The following PPP1R2 variants were observed in gnomAD, a reference collection of about 807,000 sequenced individuals.
PPP1R2 encodes the protein protein phosphatase 1 regulatory inhibitor subunit 2.
A neutral mutation model predicts 29.9 loss-of-function variants in PPP1R2; 16 were observed. The observed-to-expected ratio is 0.53, with a 90% CI of 0.36 to 0.81. The LOEUF is 0.81. Ranked by LOEUF, PPP1R2 falls within the 30% of genes least tolerant of loss-of-function variation. PPP1R2 has a pLI of 0.00. For synonymous variants in PPP1R2, 76 were observed against 91.5 expected, an observed-to-expected ratio of 0.83 and a Z score of 0.96; for missense variants, 197 against 252.7, an observed-to-expected ratio of 0.78 and a Z score of 1.49.
Position 195,516,526 on chromosome 3 carries a change from G to GT in PPP1R2, c.*369dup, listed in dbSNP as rs1379602292. On this transcript the variant is annotated 3_prime_UTR_variant, in exon 6 of 6. Transcript: ENST00000618156. ...TAAAAAAATCAAATCAATAAACTTT[G>GT]TAAGAGCTACCACATTTCAAGTGAT... 4 of 184,488 alleles carry GT rather than the reference G, an allele frequency of 2.2e-5. No homozygotes were observed. The highest frequency in any genetic ancestry group is 9.4e-5 in the African/African-American group (4 of 42,588). The allele number at this position is 184,488 out of a possible 1,614,324, so 11.4% of individuals were successfully genotyped here.
chr3:195,518,931 T>G, intron 5 of PPP1R2, 87 bp downstream of exon 5: 1 of 1,541,430 alleles, frequency 6.5e-7, no homozygotes, highest in Non-Finnish European at 8.7e-7. Flanking sequence ...ATTTTCTGTT[T>G]TTTCACAAGT....
chr3:195,524,049 C>T (rs1239893732), intron 3 of PPP1R2, among the ~76,000 whole-genome samples: 1 of 150,944 alleles, frequency 6.6e-6, no homozygotes. Context: ...GATTGCGCCT[C>T]TGCACTCCAG....
intron 3 of PPP1R2, 57 bp from the exon 4 acceptor site, chr3:195,523,843 G>A (rs553846340): frequency 5.0e-5 from 70 of 1,399,056 alleles, no homozygotes; most frequent in East Asian, 4.8e-4. Context: ...TTATTTAAGC[G>A]CCTTATTCAA....
intron 1 of PPP1R2, among the ~76,000 whole-genome samples, chr3:195,537,899 G>A (rs780122826): frequency 9.9e-5 from 15 of 152,264 alleles, no homozygotes; most frequent in Middle Eastern, 3.4e-3. Context: ...GGAAATCTTC[G>A]AAAGTTAGTG....
In PPP1R2 at chr3:195,543,301, C is replaced by A. The variant is rs112599734; in HGVS notation, c.-276G>T. ...GAGAGACGCCGGCCTAGAGCTCCAGCGCAGGAGCGACGCGACGCCGAAGCC... is the reference window on the plus strand; with the variant it reads ...GAGAGACGCCGGCCTAGAGCTCCAGAGCAGGAGCGACGCGACGCCGAAGCC... On this transcript the variant is annotated 5_prime_UTR_variant, in exon 1 of 6. Coordinates refer to ENST00000618156, the MANE Select transcript of PPP1R2 (RefSeq NM_006241.8). 1.2e-3 allele frequency: 352 copies of A among 294,188 alleles called. 6 individuals are homozygous for A. The highest frequency in any genetic ancestry group is 9.6e-3 in the South Asian group (132 of 13,796). 18.2% of individuals were successfully genotyped at this position (294,188 alleles called of 1,614,324 possible).
rs115128564 is a variant in PPP1R2, at chr3:195,534,870, T to C, written c.123-4969A>G. Among the ~76,000 whole-genome samples, 156 of 152,324 alleles carry C rather than the reference T, an allele frequency of 1.0e-3. 1 individual carries two copies. The highest frequency in any genetic ancestry group is 3.6e-3 in the African/African-American group (150 of 41,568). ...CACGTGCCTGGCAGTAAAGTACCTT[T>C]TAAAGTTGTTTTGATTCTGGACAAT... On this transcript the variant is annotated intron_variant, in intron 1 of 5. Coordinates refer to ENST00000618156, the MANE Select transcript of PPP1R2 (RefSeq NM_006241.8).
chr3:195,540,595 G>C (rs1490789084), intron 1 of PPP1R2, among the ~76,000 whole-genome samples: 1 of 152,122 alleles, frequency 6.6e-6, no homozygotes, highest in Non-Finnish European at 1.5e-5. Flanking sequence ...AAGGTGACTG[G>C]GTCATGAGGG....
At position 195,519,195 on chromosome 3, in the gene PPP1R2, G is replaced by A; in HGVS notation, c.404-10C>T. The A allele has an allele frequency of 1.3e-6, 2 of 1,581,132 alleles. No homozygotes were observed. The highest frequency in any genetic ancestry group is 8.6e-7 in the Non-Finnish European group (1 of 1,162,620). ...AATTGTCGCTTTTTTTCTATAAGAT[G>A]CAAAATGTAAACTTAGGAAGTTTGA... On this transcript the variant is annotated splice_polypyrimidine_tract_variant and intron_variant, in intron 4 of 5. Transcript: ENST00000618156.
chr3:195,539,490 T>C (rs1719513119), intron 1 of PPP1R2, among the ~76,000 whole-genome samples: 1 of 152,078 alleles, frequency 6.6e-6, no homozygotes, highest in East Asian at 1.9e-4. Flanking sequence ...GGCAGGCAGA[T>C]CACTTGAGCC....
intron 1 of PPP1R2, among the ~76,000 whole-genome samples, chr3:195,539,061 G>A (rs1719494939): frequency 6.6e-6 from 1 of 152,122 alleles, no homozygotes; most frequent in Non-Finnish European, 1.5e-5. Context: ...TCACATCTCT[G>A]AAAAAGAACA....
chr3:195,517,607 T>C (rs1008776647), intron 5 of PPP1R2, among the ~76,000 whole-genome samples: 3 of 152,138 alleles, frequency 2.0e-5, no homozygotes, highest in African/African-American at 7.2e-5. Flanking sequence ...AATATATTTA[T>C]GTACTAAATA....
intron 1 of PPP1R2, among the ~76,000 whole-genome samples, chr3:195,540,709 G>C (rs890788458): frequency 6.6e-6 from 1 of 152,044 alleles, no homozygotes; most frequent in South Asian, 2.1e-4. Context: ...GAGCTGGCAC[G>C]CTCAGCTTCC....
In PPP1R2 at chr3:195,514,543, G is replaced by T. The variant is rs1454230421; in HGVS notation, c.*2353C>A. 1 of 152,160 alleles carries T rather than the reference G, an allele frequency of 6.6e-6. No homozygotes were observed. The allele number at this position is 152,160 out of a possible 1,614,324, so 9.4% of individuals were successfully genotyped here. ...ATCTTGCTTTAATCTTCAACTGAAA[G>T]TTACCTTAACAATCCATTTACACCA... On this transcript the variant is annotated 3_prime_UTR_variant, in exon 6 of 6. Transcript: ENST00000618156.
chr3:195,516,695 G>A lies in PPP1R2; in HGVS notation c.*201C>T, dbSNP rs1355794689. On this transcript the variant is annotated 3_prime_UTR_variant, in exon 6 of 6. Coordinates refer to ENST00000618156, the MANE Select transcript of PPP1R2 (RefSeq NM_006241.8). ...GATATTACACTGTATTTGTGGTAAA[G>A]TACTAGGCACAAGAATATATATATC... The A allele has an allele frequency of 3.6e-6, 2 of 550,098 alleles. No individual in the cohort carries two copies. The highest frequency in any genetic ancestry group is 6.5e-6 in the Non-Finnish European group (2 of 308,296). The allele number at this position is 550,098 out of a possible 1,614,324, so 34.1% of individuals were successfully genotyped here.
intron 1 of PPP1R2, among the ~76,000 whole-genome samples, chr3:195,534,321 G>A (rs539027246): frequency 4.6e-5 from 7 of 152,194 alleles, no homozygotes; most frequent in Admixed American, 4.6e-4. Context: ...AAGTGAGACT[G>A]TCCAGAAAAA....
intron 2 of PPP1R2, among the ~76,000 whole-genome samples, chr3:195,526,078 T>C (rs753284257): frequency 6.7e-6 from 1 of 150,246 alleles, no homozygotes; most frequent in Non-Finnish European, 1.5e-5. Flanking sequence ...GATGTTTCTA[T>C]AAAAAGCATC....
chr3:195,540,880 T>C (rs1719569145), intron 1 of PPP1R2, among the ~76,000 whole-genome samples: 1 of 152,222 alleles, frequency 6.6e-6, no homozygotes, highest in Non-Finnish European at 1.5e-5. Context: ...CATTCTGTTA[T>C]GACCAACAGA....
chr3:195,525,410 T>G (rs1006147478), intron 2 of PPP1R2, among the ~76,000 whole-genome samples: 27 of 152,268 alleles, frequency 1.8e-4, no homozygotes, highest in African/African-American at 6.0e-4. Flanking sequence ...TTTCGGTATC[T>G]GAGGGAGGTC....
chr3:195,532,015 T>C (rs1453008856), intron 1 of PPP1R2, among the ~76,000 whole-genome samples: 1 of 152,174 alleles, frequency 6.6e-6, no homozygotes, highest in African/African-American at 2.4e-5. Flanking sequence ...GGTTCATTCA[T>C]ATTGTAGCAT....
Sources: allele counts gnomAD v4.1 joint callset (sites outside exome capture counted in the v4.1 genomes callset), GRCh38; gene constraint gnomAD v4.1.1; transcripts MANE v1.5; gene names NCBI Gene and HGNC (gene_info 2026-07-23, HGNC 2026-07-21).